DOCK3: variants seen among roughly 807,000 people sequenced by gnomAD.
DOCK3 encodes dedicator of cytokinesis protein 3.
A neutral mutation model predicts 265.6 loss-of-function variants in DOCK3; 60 were observed. The ratio of observed to expected loss-of-function variants is 0.23; its 90% CI spans 0.18 to 0.28. The LOEUF (loss-of-function observed/expected upper bound fraction) is 0.28. DOCK3 is among the 10% of genes least tolerant of loss of function. The pLI is 1.00. For missense variants in DOCK3, 1,981 were observed against 2,594.3 expected (o/e 0.76, Z 5.14); for synonymous variants, 881 against 938.0 (o/e 0.94, Z 1.11).
chr3:50,761,858 A>G (rs1223971856), intron 1 of DOCK3, among the ~76,000 whole-genome samples: 1 of 152,242 alleles, frequency 6.6e-6, no homozygotes, highest in Non-Finnish European at 1.5e-5. Context: ...GGAACCAACC[A>G]AATGTCCACA....
At chr3:50,937,007 T>C (rs968610126) in intron 5 of DOCK3, among the ~76,000 whole-genome samples, 7 of 152,218 alleles carry the variant, frequency 4.6e-5, no homozygotes, top group Non-Finnish European at 1.0e-4. Flanking sequence ...CTGGGTGTGG[T>C]GGCTCATGCC....
At chr3:51,209,748 T>G (rs772271800) in intron 13 of DOCK3, among the ~76,000 whole-genome samples, 4 of 152,240 alleles carry the variant, frequency 2.6e-5, no homozygotes, top group African/African-American at 9.6e-5. Context: ...TTTTTCTCTG[T>G]TGGGGTGAGC....
intron 5 of DOCK3, among the ~76,000 whole-genome samples, chr3:51,010,956 C>A (rs1400485777): frequency 2.0e-5 from 3 of 152,188 alleles, no homozygotes; most frequent in African/African-American, 7.2e-5. Flanking sequence ...CCCCCTCTCT[C>A]TTCTCGCTTG....
chr3:51,232,549 CT>C (rs1490908619), intron 19 of DOCK3, among the ~76,000 whole-genome samples: 7 of 152,156 alleles, frequency 4.6e-5, no homozygotes, highest in Non-Finnish European at 1.0e-4. Context: ...TGTTTTTTGA[CT>C]TTTCAATTAT....
intron 1 of DOCK3, among the ~76,000 whole-genome samples, chr3:50,743,676 C>G: frequency 6.6e-6 from 1 of 151,844 alleles, no homozygotes; most frequent in African/African-American, 2.4e-5. Context: ...ACAGGAGCAC[C>G]CAGATTCATA....
At chr3:50,904,727 C>T (rs1013890474) in intron 4 of DOCK3, among the ~76,000 whole-genome samples, 1 of 152,072 alleles carries the variant, frequency 6.6e-6, no homozygotes, top group Admixed American at 6.6e-5. Flanking sequence ...TGTAGGTTGC[C>T]TGTTCACTCT....
At chr3:51,207,224 G>A (rs1309591283) in intron 12 of DOCK3, among the ~76,000 whole-genome samples, 1 of 152,150 alleles carries the variant, frequency 6.6e-6, no homozygotes, top group Admixed American at 6.5e-5. Context: ...TCTAGCAAAT[G>A]AATTGTATGT....
chr3:51,230,862 A>G (rs1051195797), intron 19 of DOCK3, among the ~76,000 whole-genome samples: 18 of 151,992 alleles, frequency 1.2e-4, no homozygotes, highest in African/African-American at 4.1e-4. Flanking sequence ...GGGCACCTAG[A>G]TTGATTCCAT....
chr3:50,937,056 C>T (rs992952312), intron 5 of DOCK3, among the ~76,000 whole-genome samples: 2 of 151,734 alleles, frequency 1.3e-5, no homozygotes, highest in African/African-American at 4.8e-5. Context: ...GTGGGTAGAT[C>T]ACCTGAGGTC....
intron 1 of DOCK3, chr3:50,720,078 T>A: frequency 5.4e-6 from 1 of 186,740 alleles, no homozygotes; most frequent in Non-Finnish European, 1.1e-5. Context: ...CTTTTAATAA[T>A]GCTCTAGAAT....
At chr3:51,160,943 G>T (rs1169085582) in intron 12 of DOCK3, among the ~76,000 whole-genome samples, 1 of 152,064 alleles carries the variant, frequency 6.6e-6, no homozygotes, top group Non-Finnish European at 1.5e-5. Context: ...AGGCGTGGTG[G>T]CACGTGCCTG....
intron 9 of DOCK3, among the ~76,000 whole-genome samples, chr3:51,142,397 C>A (rs2107211080): frequency 6.6e-6 from 1 of 152,288 alleles, no homozygotes; most frequent in South Asian, 2.1e-4. Context: ...TGCAGTCAGT[C>A]CCTACCCTTC....
intron 21 of DOCK3, among the ~76,000 whole-genome samples, chr3:51,240,829 T>C (rs944027926): frequency 2.0e-5 from 3 of 152,240 alleles, no homozygotes; most frequent in Non-Finnish European, 4.4e-5. Context: ...TGTCACTGCA[T>C]GTGAGATGGG....
chr3:50,887,092 T>C (rs1471098946), intron 3 of DOCK3, among the ~76,000 whole-genome samples: 2 of 151,474 alleles, frequency 1.3e-5, no homozygotes, highest in African/African-American at 4.9e-5. Context: ...TTTGAAAAGA[T>C]CAACAAAATT....
At chr3:50,817,467 T>A (rs2044153195) in intron 2 of DOCK3, among the ~76,000 whole-genome samples, 1 of 152,086 alleles carries the variant, frequency 6.6e-6, no homozygotes, top group South Asian at 2.1e-4. Context: ...ATTAAATTTT[T>A]TTTTTTTTTA....
chr3:50,715,765 AGAT>A (rs1487780969), intron 1 of DOCK3, among the ~76,000 whole-genome samples: 1 of 152,132 alleles, frequency 6.6e-6, no homozygotes, highest in African/African-American at 2.4e-5. Context: ...CTAGATGATG[AGAT>A]GATGAAGAAG....
At chr3:50,704,935 T>C (rs537587023) in intron 1 of DOCK3, among the ~76,000 whole-genome samples, 1 of 152,218 alleles carries the variant, frequency 6.6e-6, no homozygotes, top group African/African-American at 2.4e-5. Context: ...GGCCTCTATA[T>C]CTTTTAATTG....
intron 48 of DOCK3, among the ~76,000 whole-genome samples, 165 bp from the exon 49 acceptor site, chr3:51,362,362 G>T (rs1206271633): frequency 6.6e-6 from 1 of 152,146 alleles, no homozygotes; most frequent in Non-Finnish European, 1.5e-5. Flanking sequence ...GGTGGTGTGG[G>T]TGGCCCCTAG....
chr3:51,074,525 G>A (rs2081987677), intron 6 of DOCK3, among the ~76,000 whole-genome samples: 1 of 152,086 alleles, frequency 6.6e-6, no homozygotes, highest in Admixed American at 6.5e-5. Context: ...TTTATCTAAT[G>A]TTTCTTAAAA....
Sources: allele counts gnomAD v4.1 joint callset (sites outside exome capture counted in the v4.1 genomes callset), GRCh38; gene constraint gnomAD v4.1.1; transcripts MANE v1.5; gene names NCBI Gene and HGNC (gene_info 2026-07-23, HGNC 2026-07-21).